NAV3: variants seen among roughly 807,000 people sequenced by gnomAD.
The protein encoded by NAV3 is pore membrane and/or filament interacting like protein 1.
Under a neutral mutation model 244.7 loss-of-function variants are expected in NAV3, and 87 were observed. That is an observed-to-expected ratio of 0.36 (90% CI 0.30 to 0.42). The LOEUF (loss-of-function observed/expected upper bound fraction) is 0.42, where lower values mean the gene tolerates loss of function less well. Ranked by LOEUF, NAV3 falls within the 20% of genes least tolerant of loss-of-function variation. The pLI, the probability that NAV3 is intolerant of heterozygous loss-of-function variation, is 1.00. For synonymous variants in NAV3, 1,126 were observed against 1,042.2 expected (o/e 1.08, Z -1.55); for missense variants, 2,663 against 2,893.3 (o/e 0.92, Z 1.83).
rs182544859 is a variant in NAV3, at chr12:77,648,583, T to A, written c.72+76317T>A. On this transcript the variant is annotated intron_variant, in intron 2 of 8. Transcript: ENST00000550042. ...GGCACAACACTCAGTGGAAGAGCTA[T>A]CCTGAACTCCATATTGCTCATTCAG... Among the ~76,000 whole-genome samples, 76 of 152,228 alleles carry A rather than the reference T, an allele frequency of 5.0e-4. 2 individuals are homozygous for A. Among genetic ancestry groups the A allele is most frequent in the Admixed American group, 2.9e-3 (44 of 15,264 alleles).
At chr12:77,780,033 AT>A (rs1870585429) in intron 2 of NAV3, among the ~76,000 whole-genome samples, 5 of 152,230 alleles carry the variant, frequency 3.3e-5, no homozygotes, top group Admixed American at 3.3e-4. Flanking sequence ...TATTTTGTGT[AT>A]CTTTTTTCTT....
At chr12:78,168,675 C>A in intron 23 of NAV3, 80 bp from the exon 24 acceptor site, 1 of 889,196 alleles carries the variant, frequency 1.1e-6, no homozygotes, top group Non-Finnish European at 1.7e-6. Flanking sequence ...TAAAATCAAA[C>A]CTTTTTAATT....
chr12:77,605,061 G>T (rs543351481), intron 2 of NAV3, among the ~76,000 whole-genome samples: 35 of 152,084 alleles, frequency 2.3e-4, no homozygotes, highest in Admixed American at 7.2e-4. Flanking sequence ...GGAGAAAAGG[G>T]GCTATATCTT....
chr12:77,790,352 G>C (rs764996637), intron 2 of NAV3, among the ~76,000 whole-genome samples: 17 of 152,154 alleles, frequency 1.1e-4, no homozygotes, highest in African/African-American at 1.7e-4. Flanking sequence ...TCTAAGAGAA[G>C]ACATTCAATC....
chr12:77,695,565 G>C (rs1332647841), intron 2 of NAV3, among the ~76,000 whole-genome samples: 2 of 152,120 alleles, frequency 1.3e-5, no homozygotes, highest in Non-Finnish European at 2.9e-5. Context: ...CTTTAGGCCA[G>C]GACTTGTTTA....
chr12:78,069,542 T>C (rs1952646501), intron 12 of NAV3, among the ~76,000 whole-genome samples: 1 of 151,966 alleles, frequency 6.6e-6, no homozygotes, highest in Non-Finnish European at 1.5e-5. Flanking sequence ...TAATACTGTG[T>C]AATATTAGAT....
intron 12 of NAV3, among the ~76,000 whole-genome samples, chr12:78,071,180 G>A (rs1053099970): frequency 3.9e-5 from 6 of 152,150 alleles, no homozygotes; most frequent in Non-Finnish European, 8.8e-5. Context: ...CAGTGTAAAA[G>A]TGTTCCTATT....
intron 2 of NAV3, among the ~76,000 whole-genome samples, chr12:77,681,815 C>T (rs1874483375): frequency 6.6e-6 from 1 of 152,164 alleles, no homozygotes; most frequent in Admixed American, 6.5e-5. Context: ...GGAAATTACT[C>T]CTTTAATTTC....
intron 37 of NAV3, 109 bp downstream of exon 37, chr12:78,199,640 C>T (rs1959421005): frequency 2.7e-6 from 2 of 747,098 alleles, no homozygotes; most frequent in South Asian, 2.9e-5. Context: ...CTTATTCAAG[C>T]TTCCAAAGAT....
Position 78,118,120 on chromosome 12 carries a change from G to A in NAV3, c.2863G>A (p.Gly955Arg), listed in dbSNP as rs771132176. 6 of 1,613,984 alleles carry A rather than the reference G, an allele frequency of 3.7e-6. No individual in the cohort carries two copies. The African/African-American group carries it at 5.3e-5, about 14-fold the overall frequency. Residue 955 changes from glycine (G) to arginine (R), a missense_variant, in exon 14 of 40, where the codon GGG becomes AGG. By Grantham distance (125) the Gly-to-Arg change is moderately radical. Transcript: ENST00000397909. ...ACCAGAAGAAGATTTTGACAGCCAT[G>A]GGGATGCTGGTGGCAAGTGGAAGAC... ...KKPEEDFDSH[G>R]DAGGKWKTVS...
chr12:78,073,247 G>T (rs1056761426), intron 12 of NAV3, among the ~76,000 whole-genome samples: 3 of 133,750 alleles, frequency 2.2e-5, no homozygotes, highest in Non-Finnish European at 3.2e-5. Flanking sequence ...AAGTCAAATT[G>T]TCCCTGTTTG....
chr12:78,046,999 CT>C (rs939860340), intron 9 of NAV3, among the ~76,000 whole-genome samples: 1 of 152,086 alleles, frequency 6.6e-6, no homozygotes, highest in Non-Finnish European at 1.5e-5. Context: ...CCTTCTTTGT[CT>C]TTTTTTATAT....
At chr12:77,915,317 T>C (rs1243462645) in intron 1 of NAV3, among the ~76,000 whole-genome samples, 1 of 152,034 alleles carries the variant, frequency 6.6e-6, no homozygotes, top group African/African-American at 2.4e-5. Context: ...ATGATTAAAT[T>C]AAACCTAACA....
At chr12:78,128,218 T>C (rs951729444) in intron 17 of NAV3, among the ~76,000 whole-genome samples, 1 of 151,362 alleles carries the variant, frequency 6.6e-6, no homozygotes, top group Non-Finnish European at 1.5e-5. Context: ...ATTTTTGTAA[T>C]CTAGGCATGA....
Position 78,058,909 on chromosome 12 carries a change from A to G in NAV3, c.2517-87A>G, listed in dbSNP as rs75295751. The G allele has an allele frequency of 1.9e-3, 2,207 of 1,185,420 alleles. 32 individuals carry two copies. In the African/African-American group the frequency reaches 0.031, roughly 17 times the overall value. The allele number at this position is 1,185,420 out of a possible 1,614,324, so 73.4% of individuals were successfully genotyped here. A position where few individuals can be genotyped will look rare whatever the true frequency, so the allele number is the denominator to read the frequency against. ...AGAATATATTTGAGTAATTATTGAA[A>G]ATTGTGGACACCGTTTGTTTATTAA... On this transcript the variant is annotated intron_variant, in intron 11 of 39. Transcript: ENST00000397909.
chr12:78,086,267 TA>T (rs1243300567), intron 12 of NAV3, among the ~76,000 whole-genome samples: 1 of 152,116 alleles, frequency 6.6e-6, no homozygotes, highest in African/African-American at 2.4e-5. Flanking sequence ...ACATTTGTTT[TA>T]ATAGGAGTCT....
At chr12:77,683,520 G>A (rs1008035460) in intron 2 of NAV3, among the ~76,000 whole-genome samples, 12 of 152,096 alleles carry the variant, frequency 7.9e-5, no homozygotes, top group East Asian at 5.8e-4. Context: ...TTGTGATTCC[G>A]TATGAATTTT....
intron 2 of NAV3, among the ~76,000 whole-genome samples, chr12:77,702,527 T>G (rs1875607924): frequency 1.3e-5 from 2 of 152,056 alleles, no homozygotes; most frequent in South Asian, 4.1e-4. Flanking sequence ...TGTGCGTCTT[T>G]TCTTTCCTGC....
chr12:77,808,923 C>T (rs1261063908), intron 2 of NAV3, among the ~76,000 whole-genome samples: 2 of 152,312 alleles, frequency 1.3e-5, no homozygotes, highest in Admixed American at 6.5e-5. Context: ...CCTTGCGGAG[C>T]TGCGGTGGGC....
Sources: allele counts gnomAD v4.1 joint callset (sites outside exome capture counted in the v4.1 genomes callset), GRCh38; gene constraint gnomAD v4.1.1; transcripts MANE v1.5; gene names NCBI Gene and HGNC (gene_info 2026-07-23, HGNC 2026-07-21).